The following TMTC2 variants were observed in gnomAD, a reference collection of about 807,000 sequenced individuals.
The protein encoded by TMTC2 is protein O-mannosyl-transferase TMTC2.
A neutral mutation model predicts 82.4 loss-of-function variants in TMTC2; 43 were observed. The ratio of observed to expected loss-of-function variants is 0.52; its 90% confidence interval spans 0.41 to 0.67. The LOEUF is 0.67. TMTC2 is among the 30% of genes least tolerant of loss of function. The pLI is 0.00. For missense variants in TMTC2, 919 were observed against 1,012.4 expected (o/e 0.91, Z 1.25); for synonymous variants, 408 against 381.9 (o/e 1.07, Z -0.80).
chr12:82,811,724 A>C (rs1470336715), intron 1 of TMTC2, among the ~76,000 whole-genome samples: 1 of 151,330 alleles, frequency 6.6e-6, no homozygotes, highest in East Asian at 1.9e-4. Context: ...GTATTTTTTA[A>C]TATTAGATCC....
At chr12:83,123,625 G>A (rs1029761086) in intron 11 of TMTC2, among the ~76,000 whole-genome samples, 2 of 152,058 alleles carry the variant, frequency 1.3e-5, no homozygotes, top group Non-Finnish European at 2.9e-5. Context: ...TTTGGTTGGT[G>A]CCAGAAGGGT....
rs559029049 is a variant in TMTC2, at chr12:82,748,647, G to A, written c.83+60978G>A. On this transcript the variant is annotated intron_variant, in intron 1 of 11. Coordinates refer to ENST00000321196, the MANE Select transcript of TMTC2 (RefSeq NM_152588.3). ...TCCCAGCACTTTGGGAGGCCAAGGC[G>A]GGTGGATCACCTGAGGTCAGAAGTT... Among the ~76,000 whole-genome samples the A allele has an allele frequency of 5.9e-5, 9 of 152,246 alleles. No homozygotes were observed. In the South Asian group the frequency reaches 1.5e-3, roughly 25 times the overall value.
rs113615296 is a variant in TMTC2 at position 82,818,940 on chromosome 12, AT to A, written c.84-38061del. The stretch of plus-strand genomic sequence containing the variant: ...GATAAGCTTTCTAGCACTATTGTGT[AT>A]TTTTTTTTCTGTTTTTAAATTTTGG... On this transcript the variant is annotated intron_variant, in intron 1 of 11. Transcript: ENST00000321196. Among the ~76,000 whole-genome samples the A allele has an allele frequency of 2.0e-4, 31 of 151,324 alleles. No individual in the cohort carries two copies. The South Asian group carries it at 6.3e-3, about 31-fold the overall frequency.
At chr12:82,797,637 T>A (rs1296672401) in intron 1 of TMTC2, among the ~76,000 whole-genome samples, 1 of 152,128 alleles carries the variant, frequency 6.6e-6, no homozygotes, top group African/African-American at 2.4e-5. Context: ...GAATTCTGAA[T>A]TAGATGTTAA....
intron 11 of TMTC2, among the ~76,000 whole-genome samples, chr12:83,066,163 A>G (rs1882908937): frequency 6.6e-6 from 1 of 151,940 alleles, no homozygotes; most frequent in African/African-American, 2.4e-5. Flanking sequence ...GCAGTAAATA[A>G]TGGCATCTAA....
At chr12:82,729,161 C>T (rs1874627018) in intron 1 of TMTC2, among the ~76,000 whole-genome samples, 1 of 152,240 alleles carries the variant, frequency 6.6e-6, no homozygotes, top group African/African-American at 2.4e-5. Context: ...GTGCGGGATC[C>T]ACTGGGTGAA....
At chr12:82,948,629 C>T (rs1877165542) in intron 4 of TMTC2, among the ~76,000 whole-genome samples, 1 of 152,142 alleles carries the variant, frequency 6.6e-6, no homozygotes, top group East Asian at 1.9e-4. Flanking sequence ...ATTGCTTTAA[C>T]AGCAGACTTT....
At chr12:82,938,428 A>G (rs1876528433) in intron 4 of TMTC2, among the ~76,000 whole-genome samples, 2 of 152,172 alleles carry the variant, frequency 1.3e-5, no homozygotes, top group Admixed American at 1.3e-4. Context: ...TTTCCTACCA[A>G]GCTCCATAGT....
At chr12:82,777,078 A>G (rs770529359) in intron 1 of TMTC2, among the ~76,000 whole-genome samples, 4 of 152,196 alleles carry the variant, frequency 2.6e-5, no homozygotes, top group Non-Finnish European at 5.9e-5. Flanking sequence ...TTTTATTTAC[A>G]GTGAAATCTG....
chr12:82,765,224 T>A (rs1876882671), intron 1 of TMTC2, among the ~76,000 whole-genome samples: 1 of 152,146 alleles, frequency 6.6e-6, no homozygotes, highest in Non-Finnish European at 1.5e-5. Flanking sequence ...GTCCCAAGAT[T>A]TAATTTCCTT....
chr12:82,954,019 T>C (rs1212421070), intron 4 of TMTC2, among the ~76,000 whole-genome samples: 1 of 151,840 alleles, frequency 6.6e-6, no homozygotes, highest in African/African-American at 2.4e-5. Flanking sequence ...TTGATTATTA[T>C]TTTTTTTGTC....
At chr12:82,992,592 C>T (rs1390264264) in intron 8 of TMTC2, among the ~76,000 whole-genome samples, 2 of 152,146 alleles carry the variant, frequency 1.3e-5, no homozygotes, top group Non-Finnish European at 2.9e-5. Context: ...TATGAAGTTG[C>T]TGTACCTGAA....
chr12:82,690,983 C>G (rs1307977889), intron 1 of TMTC2, among the ~76,000 whole-genome samples: 1 of 152,048 alleles, frequency 6.6e-6, no homozygotes, highest in Non-Finnish European at 1.5e-5. Flanking sequence ...GGAGATAACA[C>G]CATGAGAGGA....
intron 1 of TMTC2, among the ~76,000 whole-genome samples, chr12:82,749,737 TTC>T (rs1491463872): frequency 4.0e-4 from 16 of 40,144 alleles, no homozygotes; most frequent in African/African-American, 1.7e-3. Flanking sequence ...CTTTCTTTCT[TTC>T]TTTTTTTTTT....
chr12:83,016,959 A>G (rs1166325937), intron 8 of TMTC2, among the ~76,000 whole-genome samples: 5 of 152,194 alleles, frequency 3.3e-5, no homozygotes, highest in Non-Finnish European at 7.3e-5. Context: ...GCTCTATAAT[A>G]TTTCTGTTCT....
intron 3 of TMTC2, 115 bp downstream of exon 3, chr12:82,896,761 C>T: frequency 1.4e-6 from 1 of 722,102 alleles, no homozygotes; most frequent in Non-Finnish European, 2.2e-6. Context: ...TTATGCAGTA[C>T]CTGTATCTTT....
At chr12:82,760,488 T>C (rs989484781) in intron 1 of TMTC2, 64 of 148,234 alleles carry the variant, frequency 4.3e-4, no homozygotes, top group Non-Finnish European at 5.9e-4. Context: ...TTTTTTTTTT[T>C]CTCGAAAGCT....
intron 1 of TMTC2, among the ~76,000 whole-genome samples, chr12:82,722,347 G>A (rs1874244993): frequency 6.9e-6 from 1 of 144,932 alleles, no homozygotes; most frequent in Non-Finnish European, 1.5e-5. Flanking sequence ...GAGGTCAGGA[G>A]ATTGAGACCA....
chr12:82,701,619 G>A (rs915727251), intron 1 of TMTC2, among the ~76,000 whole-genome samples: 1 of 147,926 alleles, frequency 6.8e-6, no homozygotes, highest in Admixed American at 6.8e-5. Context: ...AAAATTTCTG[G>A]GTGTGGAGGT....
Sources: allele counts gnomAD v4.1 joint callset (sites outside exome capture counted in the v4.1 genomes callset), GRCh38; gene constraint gnomAD v4.1.1; transcripts MANE v1.5; gene names NCBI Gene and HGNC (gene_info 2026-07-23, HGNC 2026-07-21).